Variants in ZBTB20 observed in about 807,000 individuals in gnomAD.
ZBTB20 encodes zinc finger and BTB domain-containing protein 20.
A neutral mutation model predicts 56.9 loss-of-function variants in ZBTB20; 9 were observed. That is an observed-to-expected ratio of 0.16 (90% CI 0.10 to 0.28). The LOEUF (loss-of-function observed/expected upper bound fraction) is 0.28. Among genes scored for constraint, ZBTB20 ranks in the 10% least tolerant of loss-of-function variants. ZBTB20 has a pLI of 1.00. For missense variants in ZBTB20, 655 were observed against 1,003.0 expected, an observed-to-expected ratio of 0.65 and a Z score of 4.69; for synonymous variants, 417 against 420.7, an observed-to-expected ratio of 0.99 and a Z score of 0.11.
At chr3:114,871,133 C>A (rs1333988496) in intron 4 of ZBTB20, among the ~76,000 whole-genome samples, 1 of 152,124 alleles carries the variant, frequency 6.6e-6, no homozygotes, top group Non-Finnish European at 1.5e-5. Context: ...TTGTCCCAAC[C>A]ACATACACGT....
intron 1 of ZBTB20, among the ~76,000 whole-genome samples, chr3:115,093,674 G>A (rs1057057127): frequency 4.6e-5 from 7 of 152,094 alleles, no homozygotes; most frequent in South Asian, 4.1e-4. Flanking sequence ...TGTTGGTAAA[G>A]CTTCTTATCA....
chr3:115,018,014 T>C (rs1305530462), intron 2 of ZBTB20, among the ~76,000 whole-genome samples: 1 of 151,580 alleles, frequency 6.6e-6, no homozygotes, highest in Admixed American at 6.6e-5. Flanking sequence ...TAATCCTGTT[T>C]ATGCCTAAGG....
intron 6 of ZBTB20, among the ~76,000 whole-genome samples, chr3:114,578,349 TTTATC>T (rs2054303129): frequency 6.6e-6 from 1 of 151,956 alleles, no homozygotes; most frequent in South Asian, 2.1e-4. Context: ...AATACCAATG[TTTATC>T]TTATAAGAAT....
intron 5 of ZBTB20, among the ~76,000 whole-genome samples, chr3:114,749,773 T>TA (rs2067420708): frequency 6.6e-6 from 1 of 152,228 alleles, no homozygotes; most frequent in Admixed American, 6.5e-5. Context: ...TTCCACCTTT[T>TA]AACAAGTCAT....
chr3:114,607,811 G>A (rs1241722786), intron 6 of ZBTB20, among the ~76,000 whole-genome samples: 1 of 152,134 alleles, frequency 6.6e-6, no homozygotes, highest in Non-Finnish European at 1.5e-5. Flanking sequence ...AAATACTCAT[G>A]GACATATCTA....
intron 4 of ZBTB20, among the ~76,000 whole-genome samples, chr3:114,840,021 T>C (rs920660637): frequency 2.0e-5 from 3 of 152,184 alleles, no homozygotes; most frequent in Non-Finnish European, 2.9e-5. Context: ...AGTAAATTAA[T>C]ACACCCAGAA....
At chr3:114,460,344 C>T (rs2092273931) in intron 7 of ZBTB20, among the ~76,000 whole-genome samples, 1 of 152,040 alleles carries the variant, frequency 6.6e-6, no homozygotes, top group South Asian at 2.1e-4. Flanking sequence ...TGAATGTTAC[C>T]TTACGTGGCA....
intron 6 of ZBTB20, among the ~76,000 whole-genome samples, chr3:114,611,907 C>T (rs1282409654): frequency 6.6e-6 from 1 of 152,160 alleles, no homozygotes; most frequent in Non-Finnish European, 1.5e-5. Context: ...TTATTGCATT[C>T]TAACTGTCTG....
intron 6 of ZBTB20, among the ~76,000 whole-genome samples, chr3:114,570,572 T>A (rs2053308582): frequency 6.6e-6 from 1 of 152,228 alleles, no homozygotes; most frequent in South Asian, 2.1e-4. Context: ...AGAGTTAGAA[T>A]TTAAACTCAG....
intron 6 of ZBTB20, among the ~76,000 whole-genome samples, chr3:114,600,752 C>A (rs894156767): frequency 8.6e-5 from 13 of 151,940 alleles, no homozygotes; most frequent in Middle Eastern, 3.2e-3. Flanking sequence ...TTAAATAGTA[C>A]GAACTTCACC....
intron 7 of ZBTB20, among the ~76,000 whole-genome samples, chr3:114,440,380 A>G (rs2090831659): frequency 6.6e-6 from 1 of 152,168 alleles, no homozygotes; most frequent in African/African-American, 2.4e-5. Flanking sequence ...CTGCTCTTAC[A>G]TGATACCACT....
chr3:115,112,923 A>C (rs555298281), intron 1 of ZBTB20, among the ~76,000 whole-genome samples: 1 of 152,234 alleles, frequency 6.6e-6, no homozygotes, highest in Admixed American at 6.5e-5. Context: ...AGTGTATAAG[A>C]GTTCCCTTTT....
intron 4 of ZBTB20, among the ~76,000 whole-genome samples, chr3:114,825,250 G>A (rs116477655): frequency 1.5e-4 from 23 of 152,038 alleles, no homozygotes; most frequent in African/African-American, 5.5e-4. Context: ...CAATAAAGAA[G>A]GAGGCAGTCC....
intron 6 of ZBTB20, among the ~76,000 whole-genome samples, chr3:114,577,877 C>A (rs1463320403): frequency 2.0e-5 from 3 of 152,150 alleles, no homozygotes; most frequent in Non-Finnish European, 4.4e-5. Flanking sequence ...AACTGTAAAA[C>A]CCCTAGTTAG....
At chr3:114,631,486 G>A (rs1459798524) in intron 6 of ZBTB20, among the ~76,000 whole-genome samples, 5 of 127,620 alleles carry the variant, frequency 3.9e-5, no homozygotes, top group African/African-American at 1.5e-4. Context: ...TCTGCCTTCC[G>A]GGTTCAAGCA....
intron 6 of ZBTB20, among the ~76,000 whole-genome samples, chr3:114,633,878 T>G (rs1376637117): frequency 6.6e-6 from 1 of 152,138 alleles, no homozygotes; most frequent in Non-Finnish European, 1.5e-5. Context: ...AAATAAATAA[T>G]ATACCCTTAT....
In ZBTB20 at chr3:114,940,904, C is replaced by T. The variant is rs543546913; in HGVS notation, c.-456+33462G>A. 6.1e-4 allele frequency among the ~76,000 whole-genome samples: 89 copies of T among 146,200 alleles called. 2 individuals are homozygous for T. Among genetic ancestry groups the T allele is most frequent in the Admixed American group, 1.5e-3 (22 of 15,126 alleles). On this transcript the variant is annotated intron_variant, in intron 3 of 11. Coordinates refer to ENST00000675478, the MANE Select transcript of ZBTB20 (RefSeq NM_001348800.3). ...TTCTTAATAAGATGGAATCCTTTCC[C>T]GGTTTGTTAAATTCACTGAATTTAT... is the stretch of plus-strand genomic sequence containing the variant.
intron 6 of ZBTB20, among the ~76,000 whole-genome samples, chr3:114,533,507 C>A (rs2669883): frequency 3.3e-5 from 5 of 151,928 alleles, no homozygotes; most frequent in African/African-American, 1.2e-4. Context: ...ACCAAACCTA[C>A]GTTTCATTGG....
Position 114,315,604 on chromosome 3 carries a change from T to TGTGTGC in ZBTB20, c.*23400_*23401insGCACAC. On this transcript the variant is annotated 3_prime_UTR_variant, in exon 12 of 12. Transcript: ENST00000675478. ...GTGTGTGTGTGTGTGTGTGTGTGTG[T>TGTGTGC]GTACACAGTAGCAATTGCAAAAAAG... 6.6e-6 allele frequency: 1 copy of TGTGTGC among 150,568 alleles called. No individual in the cohort carries two copies. Among genetic ancestry groups the TGTGTGC allele is most frequent in the Non-Finnish European group, 1.4e-5 (1 of 68,978 alleles). The allele number at this position is 150,568 out of a possible 1,614,324, so 9.3% of individuals were successfully genotyped here.
Sources: allele counts gnomAD v4.1 joint callset (sites outside exome capture counted in the v4.1 genomes callset), GRCh38; gene constraint gnomAD v4.1.1; transcripts MANE v1.5; gene names NCBI Gene and HGNC (gene_info 2026-07-23, HGNC 2026-07-21).